The following DLGAP1 variants were observed in gnomAD, a reference collection of about 807,000 sequenced individuals.
DLGAP1 encodes disks large-associated protein 1.
In DLGAP1, 11 loss-of-function variants were observed where a neutral mutation model predicts 90.8. The ratio of observed to expected loss-of-function variants is 0.12; its 90% CI spans 0.08 to 0.20. DLGAP1 has a LOEUF of 0.20. Ranked by LOEUF, DLGAP1 falls within the 10% of genes least tolerant of loss-of-function variation. DLGAP1 has a pLI of 1.00. For missense variants in DLGAP1, 1,050 were observed against 1,333.8 expected, an observed-to-expected ratio of 0.79 and a Z score of 3.31; for synonymous variants, 558 against 540.7, an observed-to-expected ratio of 1.03 and a Z score of -0.44.
chr18:4,207,978 C>T (rs2077757069), intron 1 of DLGAP1, among the ~76,000 whole-genome samples: 1 of 152,160 alleles, frequency 6.6e-6, no homozygotes, highest in African/African-American at 2.4e-5. Flanking sequence ...CTAAATGATA[C>T]CAGGTGTCCA....
At chr18:3,618,238 C>T (rs938055747) in intron 7 of DLGAP1, among the ~76,000 whole-genome samples, 3 of 152,168 alleles carry the variant, frequency 2.0e-5, no homozygotes, top group African/African-American at 4.8e-5. Flanking sequence ...AGTTACAATT[C>T]GCAGAGTCCG....
chr18:4,038,783 A>G (rs935712324), intron 2 of DLGAP1, among the ~76,000 whole-genome samples: 4 of 152,156 alleles, frequency 2.6e-5, no homozygotes, highest in African/African-American at 9.7e-5. Flanking sequence ...CAGGTAAAGA[A>G]AGAAAGATAC....
intron 1 of DLGAP1, among the ~76,000 whole-genome samples, chr18:4,262,071 CA>C (rs2079014497): frequency 6.6e-6 from 1 of 152,158 alleles, no homozygotes; most frequent in African/African-American, 2.4e-5. Flanking sequence ...CCAATCCTAA[CA>C]TTCTATAGTC....
At chr18:3,708,295 CT>C in intron 7 of DLGAP1, 1 of 390,776 alleles carries the variant, frequency 2.6e-6, no homozygotes, top group South Asian at 1.9e-5. Flanking sequence ...GCATGAGCCA[CT>C]GTGCCCAGCT....
At position 3,797,131 on chromosome 18, in the gene DLGAP1, A is replaced by G. The variant is rs556374638; in HGVS notation, c.1172+16928T>C. 2.0e-5 allele frequency among the ~76,000 whole-genome samples: 3 copies of G among 152,308 alleles called. No individual in the cohort carries two copies. In the South Asian group the frequency reaches 6.2e-4, roughly 32 times the overall value. On this transcript the variant is annotated intron_variant, in intron 5 of 12. Coordinates refer to ENST00000315677, the MANE Select transcript of DLGAP1 (RefSeq NM_004746.4). ...GGTGGATCACGAGGTCAGGAGATCGAGACCATCCTGGCTAACATGGTGAAA... is the reference window on the plus strand; with the variant it reads ...GGTGGATCACGAGGTCAGGAGATCGGGACCATCCTGGCTAACATGGTGAAA...
intron 3 of DLGAP1, among the ~76,000 whole-genome samples, chr18:3,880,511 G>A (rs560820244): frequency 1.3e-5 from 2 of 152,158 alleles, no homozygotes; most frequent in South Asian, 2.1e-4. Flanking sequence ...ATCTGCGACC[G>A]TGTTTTTTTG....
intron 1 of DLGAP1, among the ~76,000 whole-genome samples, chr18:4,407,081 A>T (rs2082679396): frequency 6.6e-6 from 1 of 152,216 alleles, no homozygotes; most frequent in South Asian, 2.1e-4. Context: ...ACTTTATGTA[A>T]GAAGGTGGCT....
intron 1 of DLGAP1, among the ~76,000 whole-genome samples, chr18:4,438,059 C>T (rs1445189191): frequency 6.6e-6 from 1 of 152,064 alleles, no homozygotes; most frequent in African/African-American, 2.4e-5. Context: ...ATTTTGTCAT[C>T]AAAAATGGAC....
chr18:3,583,646 C>T (rs1287496386), intron 7 of DLGAP1, among the ~76,000 whole-genome samples: 2 of 152,156 alleles, frequency 1.3e-5, no homozygotes, highest in Non-Finnish European at 2.9e-5. Flanking sequence ...GCAACTTGGT[C>T]AAGTCAAGGG....
At chr18:4,359,288 A>G (rs766937825) in intron 1 of DLGAP1, among the ~76,000 whole-genome samples, 3 of 152,154 alleles carry the variant, frequency 2.0e-5, no homozygotes, top group Non-Finnish European at 4.4e-5. Flanking sequence ...TAAAACCTAG[A>G]AATAATTTTC....
At chr18:4,445,503 T>G (rs2083642166) in intron 1 of DLGAP1, among the ~76,000 whole-genome samples, 1 of 136,744 alleles carries the variant, frequency 7.3e-6, no homozygotes, top group Non-Finnish European at 1.5e-5. Context: ...TGTGTCCATG[T>G]GATCTCAATG....
intron 1 of DLGAP1, among the ~76,000 whole-genome samples, chr18:4,175,602 T>C (rs554538801): frequency 6.6e-6 from 1 of 152,306 alleles, no homozygotes; most frequent in East Asian, 1.9e-4. Flanking sequence ...GTATAACGTG[T>C]AAGGAAGGGG....
intron 7 of DLGAP1, among the ~76,000 whole-genome samples, chr18:3,690,088 G>A (rs934811366): frequency 7.1e-6 from 1 of 140,952 alleles, no homozygotes; most frequent in African/African-American, 2.7e-5. Flanking sequence ...CTGCGGGCTG[G>A]GTGAGGTTTT....
chr18:3,734,251 TTCTC>T (rs746959031), intron 6 of DLGAP1, among the ~76,000 whole-genome samples: 6 of 150,544 alleles, frequency 4.0e-5, no homozygotes, highest in Admixed American at 6.6e-5. Flanking sequence ...CTCTCTCTCT[TTCTC>T]TCTCTCTCTC....
chr18:4,018,668 T>C (rs968680757), intron 2 of DLGAP1, among the ~76,000 whole-genome samples: 2 of 152,246 alleles, frequency 1.3e-5, no homozygotes, highest in South Asian at 4.1e-4. Context: ...GAATGATCAG[T>C]AGTGGATGTA....
At position 3,567,563 on chromosome 18, in the gene DLGAP1, G is replaced by A; in HGVS notation, c.1984C>T (p.Pro662Ser). The A allele has an allele frequency of 6.2e-7, 1 of 1,613,850 alleles. No homozygotes were observed. Among genetic ancestry groups the A allele is most frequent in the African/African-American group, 1.3e-5 (1 of 75,000 alleles). ...IGIQVDDAEE[P>S]DKTGENKAPS... ...GCTTTATTCTCCCCTGTTTTGTCAG[G>A]TTCTTCAGCATCATCCACCTGGAGA... The change falls in exon 9 of 13, where the codon CCT becomes TCT. Residue 662 changes from proline (P) to serine (S), a missense_variant. Transcript: ENST00000315677.
At chr18:4,042,627 C>T (rs2074992608) in intron 2 of DLGAP1, among the ~76,000 whole-genome samples, 1 of 152,134 alleles carries the variant, frequency 6.6e-6, no homozygotes, top group African/African-American at 2.4e-5. Flanking sequence ...GTAGTCCTAG[C>T]TGTTCGGGAG....
intron 2 of DLGAP1, among the ~76,000 whole-genome samples, chr18:4,117,749 T>A (rs1459873988): frequency 6.6e-6 from 1 of 152,204 alleles, no homozygotes; most frequent in East Asian, 1.9e-4. Flanking sequence ...CAGTCTTGGG[T>A]GTGTACAGGG....
At chr18:3,715,698 T>G (rs1385904361) in intron 7 of DLGAP1, among the ~76,000 whole-genome samples, 1 of 152,146 alleles carries the variant, frequency 6.6e-6, no homozygotes, top group Non-Finnish European at 1.5e-5. Context: ...CATAATTGCT[T>G]GGGGAGTTTT....
Sources: allele counts gnomAD v4.1 joint callset (sites outside exome capture counted in the v4.1 genomes callset), GRCh38; gene constraint gnomAD v4.1.1; transcripts MANE v1.5; gene names NCBI Gene and HGNC (gene_info 2026-07-23, HGNC 2026-07-21).